The following NAALADL2 variants were observed in gnomAD, a reference collection of about 807,000 sequenced individuals.
NAALADL2 encodes N-acetylated alpha-linked acidic dipeptidase like 2.
Under a neutral mutation model 87.2 loss-of-function variants are expected in NAALADL2, and 76 were observed. The observed-to-expected ratio is 0.87, with a 90% CI of 0.72 to 1.05. The LOEUF (loss-of-function observed/expected upper bound fraction) is 1.05. Among genes scored for constraint, NAALADL2 ranks in the 50% least tolerant of loss-of-function variants. The pLI is 0.00. For missense variants in NAALADL2, 1,089 were observed against 945.8 expected, an observed-to-expected ratio of 1.15 and a Z score of -1.99; for synonymous variants, 354 against 331.0, an observed-to-expected ratio of 1.07 and a Z score of -0.75.
chr3:175,220,979 C>T (rs1441171020), intron 2 of NAALADL2, among the ~76,000 whole-genome samples: 1 of 151,738 alleles, frequency 6.6e-6, no homozygotes, highest in African/African-American at 2.4e-5. Flanking sequence ...GGCAGATCAC[C>T]TGAGGACAGG....
At chr3:174,983,890 G>A (rs1458499650) in intron 1 of NAALADL2, among the ~76,000 whole-genome samples, 1 of 152,128 alleles carries the variant, frequency 6.6e-6, no homozygotes, top group Admixed American at 6.5e-5. Flanking sequence ...AGATGAGCAA[G>A]GCCCAAAGAT....
intron 2 of NAALADL2, among the ~76,000 whole-genome samples, chr3:175,135,422 C>T (rs1728963546): frequency 2.9e-5 from 2 of 69,208 alleles, no homozygotes; most frequent in East Asian, 4.4e-4. Flanking sequence ...AAATGATATG[C>T]ACACAAAAAC....
At chr3:175,383,350 A>G (rs1475672327) in intron 5 of NAALADL2, among the ~76,000 whole-genome samples, 3 of 152,046 alleles carry the variant, frequency 2.0e-5, no homozygotes, top group Admixed American at 6.6e-5. Context: ...ATGTTTTGAT[A>G]TATCTATACG....
chr3:174,699,459 A>C (rs1284328965), intron 2 of NAALADL2, among the ~76,000 whole-genome samples: 7 of 151,462 alleles, frequency 4.6e-5, no homozygotes, highest in African/African-American at 1.7e-4. Context: ...ACACCATTGC[A>C]TTCCAGCCTG....
intron 1 of NAALADL2, among the ~76,000 whole-genome samples, chr3:174,998,720 C>T (rs765197311): frequency 1.3e-5 from 2 of 152,128 alleles, no homozygotes; most frequent in Non-Finnish European, 2.9e-5. Context: ...ATAGGAAACT[C>T]ATCTTAGGCC....
At chr3:174,796,360 T>C (rs1176336690) in intron 3 of NAALADL2, among the ~76,000 whole-genome samples, 1 of 152,164 alleles carries the variant, frequency 6.6e-6, no homozygotes, top group Non-Finnish European at 1.5e-5. Context: ...TTTCTCATCA[T>C]ACCACCCCTC....
chr3:175,172,148 A>G (rs1734933344), intron 2 of NAALADL2, among the ~76,000 whole-genome samples: 1 of 152,200 alleles, frequency 6.6e-6, no homozygotes, highest in Admixed American at 6.5e-5. Context: ...GTATGCAACA[A>G]AATATCACAT....
intron 11 of NAALADL2, among the ~76,000 whole-genome samples, chr3:175,721,719 C>T (rs1316732172): frequency 6.6e-6 from 1 of 151,956 alleles, no homozygotes; most frequent in Admixed American, 6.6e-5. Flanking sequence ...ACATTTCTCT[C>T]TAGAGGTATA....
intron 4 of NAALADL2, among the ~76,000 whole-genome samples, chr3:175,281,895 G>C (rs559391749): frequency 6.6e-6 from 1 of 151,846 alleles, no homozygotes; most frequent in Non-Finnish European, 1.5e-5. Flanking sequence ...GTTATTTTAA[G>C]ATTCACTTCT....
At chr3:174,539,343 A>T (rs1194630427) in intron 1 of NAALADL2, among the ~76,000 whole-genome samples, 5 of 152,182 alleles carry the variant, frequency 3.3e-5, no homozygotes, top group Non-Finnish European at 7.4e-5. Context: ...GATAAATTTG[A>T]TTTGTTTTAT....
chr3:175,467,463 C>T (rs1378568496), intron 8 of NAALADL2, among the ~76,000 whole-genome samples: 1 of 152,044 alleles, frequency 6.6e-6, no homozygotes, highest in Non-Finnish European at 1.5e-5. Flanking sequence ...TGTATTTCTC[C>T]TTAGAAGACA....
chr3:174,892,757 G>A (rs913082476), intron 1 of NAALADL2, among the ~76,000 whole-genome samples: 21 of 151,530 alleles, frequency 1.4e-4, no homozygotes, highest in African/African-American at 5.1e-4. Flanking sequence ...AACCCCATCT[G>A]TACTAAAATA....
chr3:174,853,265 C>T (rs1725472250), intron 3 of NAALADL2, among the ~76,000 whole-genome samples: 1 of 144,592 alleles, frequency 6.9e-6, no homozygotes, highest in South Asian at 2.2e-4. Flanking sequence ...GTAGTCCCAG[C>T]TACTCAGGAG....
At chr3:175,040,065 G>T (rs113826323) in intron 1 of NAALADL2, among the ~76,000 whole-genome samples, 1,564 of 152,234 alleles carry the variant, frequency 0.01, 31 homozygotes, top group African/African-American at 0.036. Flanking sequence ...CCCCAGCCAA[G>T]ATCTCTCTTA....
Position 175,760,514 on chromosome 3 carries a change from C to T in NAALADL2, c.2189+5096C>T, listed in dbSNP as rs114448924. Among the ~76,000 whole-genome samples, 873 of 152,234 alleles carry T rather than the reference C, an allele frequency of 5.7e-3. 4 individuals carry two copies. The highest frequency in any genetic ancestry group is 8.6e-3 in the African/African-American group (358 of 41,530). On this transcript the variant is annotated intron_variant, in intron 13 of 13. Coordinates refer to ENST00000454872, the MANE Select transcript of NAALADL2 (RefSeq NM_207015.3). ...AGCCAGCAAAACAATATCTATGTTCCGGGACCACGTAAGTGAAAGTATGTT... is the reference window on the plus strand; with the variant it reads ...AGCCAGCAAAACAATATCTATGTTCTGGGACCACGTAAGTGAAAGTATGTT...
At chr3:175,387,087 T>A (rs1768477944) in intron 5 of NAALADL2, among the ~76,000 whole-genome samples, 1 of 152,148 alleles carries the variant, frequency 6.6e-6, no homozygotes, top group Non-Finnish European at 1.5e-5. Context: ...TTTACTACTT[T>A]TGCTTTGTAC....
chr3:175,437,069 G>A (rs1474842159), intron 5 of NAALADL2, among the ~76,000 whole-genome samples: 1 of 142,744 alleles, frequency 7.0e-6, no homozygotes, highest in Admixed American at 7.3e-5. Context: ...TCCTACATAT[G>A]GCTAGCCAGT....
chr3:174,453,548 A>G lies in NAALADL2; in HGVS notation c.-184+12516A>G, dbSNP rs543194909. 2.5e-4 allele frequency among the ~76,000 whole-genome samples: 38 copies of G among 152,340 alleles called. 1 individual carries two copies. Among genetic ancestry groups the G allele is most frequent in the Middle Eastern group, 3.4e-3 (1 of 294 alleles). ...GGTCAGGTCACCCAAAGGGAAGCCC[A>G]TCAGCTAACAATGGACATTTCTGTA... On this transcript the variant is annotated intron_variant, in intron 1 of 3. Coordinates refer to the NAALADL2 transcript ENST00000434257.
At chr3:175,333,211 T>C (rs1263845583) in intron 5 of NAALADL2, among the ~76,000 whole-genome samples, 1 of 152,136 alleles carries the variant, frequency 6.6e-6, no homozygotes, top group African/African-American at 2.4e-5. Flanking sequence ...TACAGGTAGA[T>C]GTCAGCTGTG....
Sources: gnomAD v4.1 joint callset for allele counts (sites outside exome capture counted in the v4.1 genomes callset) on GRCh38, gnomAD v4.1.1 for gene constraint, MANE v1.5 for transcripts, NCBI Gene and HGNC (gene_info 2026-07-23, HGNC 2026-07-21) for gene names.